The following PSMG2 variants were observed in gnomAD, a reference collection of about 807,000 sequenced individuals.
PSMG2 encodes the protein CD40 ligand-activated specific transcript 3.
A neutral mutation model predicts 31.5 loss-of-function variants in PSMG2; 21 were observed. That is an observed-to-expected ratio of 0.67 (90% CI 0.47 to 0.96). The LOEUF is 0.96. PSMG2 is among the 40% of genes least tolerant of loss of function. The pLI, the probability that PSMG2 is intolerant of heterozygous loss-of-function variation, is 0.00. For missense variants in PSMG2, 318 were observed against 321.2 expected, an observed-to-expected ratio of 0.99 and a Z score of 0.08; for synonymous variants, 120 against 110.4, an observed-to-expected ratio of 1.09 and a Z score of -0.54.
At chr18:12,692,525 A>G (rs897640967) in intron 1 of PSMG2, among the ~76,000 whole-genome samples, 10 of 152,048 alleles carry the variant, frequency 6.6e-5, no homozygotes, top group Non-Finnish European at 1.0e-4. Flanking sequence ...GCTCAGCCCC[A>G]ATCTTTGCAT....
intron 1 of PSMG2, among the ~76,000 whole-genome samples, chr18:12,694,747 T>C (rs1024736552): frequency 5.9e-5 from 9 of 151,856 alleles, no homozygotes; most frequent in Non-Finnish European, 1.0e-4. Flanking sequence ...AGTCTTGCTC[T>C]GTTGCCCAGG....
intron 1 of PSMG2, chr18:12,670,532 C>T (rs1212074130): frequency 6.6e-6 from 1 of 152,172 alleles, no homozygotes; most frequent in Non-Finnish European, 1.5e-5. Flanking sequence ...AATGTTAATA[C>T]AGCCTTGATC....
chr18:12,705,557 G>C (rs1379562981), intron 1 of PSMG2, among the ~76,000 whole-genome samples: 2 of 133,288 alleles, frequency 1.5e-5, no homozygotes, highest in Non-Finnish European at 3.1e-5. Context: ...GAGAGAGAGA[G>C]AGAGAGAGAG....
At chr18:12,702,605 G>A, upstream of PSMG2, 6 of 1,555,210 alleles carry the variant, frequency 3.9e-6, no homozygotes, top group Non-Finnish European at 5.2e-6. Flanking sequence ...CTAACTGCGC[G>A]GCCCCGGCCG....
chr18:12,716,673 C>T (rs565290109), intron 3 of PSMG2, among the ~76,000 whole-genome samples: 2 of 152,184 alleles, frequency 1.3e-5, no homozygotes, highest in African/African-American at 4.8e-5. Flanking sequence ...GGATTACAGG[C>T]GTGAGCCACC....
chr18:12,720,654 AG>A lies in PSMG2; in HGVS notation c.554del (p.Gly185ValfsTer21). 1 of 1,612,576 alleles carries A rather than the reference AG, an allele frequency of 6.2e-7. No homozygotes were observed. Among genetic ancestry groups the A allele is most frequent in the Non-Finnish European group, 8.5e-7 (1 of 1,179,656 alleles). ...AGTTTTGTATCCGCATTCCGGGAGG[AG>A]GTATCACAAAAACACTCTATGATGA... ...SEFCIRIPGG[G>X]ITKTLYDESC... On this transcript the variant is annotated frameshift_variant, in exon 5 of 7. Transcript: ENST00000317615. LOFTEE classifies it high-confidence loss of function.
At chr18:12,678,412 T>G in intron 1 of PSMG2, 5 of 1,613,378 alleles carry the variant, frequency 3.1e-6, no homozygotes, top group Non-Finnish European at 4.2e-6. Flanking sequence ...CAACTGGAGG[T>G]TCATCAGGAT....
intron 1 of PSMG2, among the ~76,000 whole-genome samples, chr18:12,670,109 T>C (rs1366921816): frequency 6.6e-6 from 1 of 152,142 alleles, no homozygotes; most frequent in Non-Finnish European, 1.5e-5. Context: ...GCAGGTGGAT[T>C]GCCTGAGCTC....
At chr18:12,719,504 C>T (rs919457709) in intron 4 of PSMG2, among the ~76,000 whole-genome samples, 2 of 151,838 alleles carry the variant, frequency 1.3e-5, no homozygotes, top group Non-Finnish European at 2.9e-5. Flanking sequence ...TCTCCTGCCT[C>T]AGCCTCCTGA....
rs572912172 is a variant in PSMG2 at position 12,725,609 on chromosome 18, G to A, written c.*78G>A. 48 of 997,312 alleles carry A rather than the reference G, an allele frequency of 4.8e-5. 2 individuals carry two copies. In the Middle Eastern group the frequency reaches 1.1e-3, roughly 23 times the overall value. The allele number at this position is 997,312 out of a possible 1,614,324, so 61.8% of individuals were successfully genotyped here. A position where few individuals can be genotyped will look rare whatever the true frequency, so the allele number is the denominator to read the frequency against. Reference sequence around the variant, plus strand: ...GTTAAACATTCTATACAAAAAAATTGTATGATCTGGTATTAGGAAATTACT... The same window carrying A: ...GTTAAACATTCTATACAAAAAAATTATATGATCTGGTATTAGGAAATTACT... On this transcript the variant is annotated 3_prime_UTR_variant, in exon 7 of 7. Transcript: ENST00000317615.
intron 1 of PSMG2, chr18:12,658,801 A>G: frequency 3.2e-6 from 1 of 313,496 alleles, no homozygotes; most frequent in Non-Finnish European, 6.5e-6. Context: ...GGGGATCTTT[A>G]CGGGTTTTCC....
chr18:12,662,345 A>G (rs2038709805), intron 1 of PSMG2, among the ~76,000 whole-genome samples: 1 of 152,216 alleles, frequency 6.6e-6, no homozygotes. Flanking sequence ...TTCCTATCTT[A>G]CAGAAGAGAA....
chr18:12,666,748 CAAAAAA>C, intron 1 of PSMG2, among the ~76,000 whole-genome samples: 1 of 134,972 alleles, frequency 7.4e-6, no homozygotes, highest in East Asian at 2.1e-4. Flanking sequence ...CACACCCGGC[CAAAAAA>C]AAAAAAACTT....
chr18:12,710,252 A>G (rs980995742), intron 2 of PSMG2, among the ~76,000 whole-genome samples: 1 of 152,096 alleles, frequency 6.6e-6, no homozygotes, highest in Non-Finnish European at 1.5e-5. Context: ...CTTTTAAAGC[A>G]TCTGTGATTT....
At chr18:12,693,094 G>A (rs919336915) in intron 1 of PSMG2, among the ~76,000 whole-genome samples, 1 of 152,160 alleles carries the variant, frequency 6.6e-6, no homozygotes, top group Non-Finnish European at 1.5e-5. Context: ...AAAGTGCTGG[G>A]ATTACAGATT....
intron 3 of PSMG2, among the ~76,000 whole-genome samples, chr18:12,713,667 A>G (rs1406144604): frequency 1.3e-5 from 2 of 152,164 alleles, no homozygotes; most frequent in East Asian, 1.9e-4. Flanking sequence ...ATTGGTTCCA[A>G]CCAATTTCAG....
At chr18:12,664,648 G>C (rs1358357117) in intron 1 of PSMG2, among the ~76,000 whole-genome samples, 1 of 151,704 alleles carries the variant, frequency 6.6e-6, no homozygotes, top group Non-Finnish European at 1.5e-5. Flanking sequence ...GCCTCCCAAA[G>C]TGCTGGGATT....
chr18:12,702,440 G>GT, upstream of PSMG2: 1 of 1,462,006 alleles, frequency 6.8e-7, no homozygotes, highest in South Asian at 1.2e-5. Flanking sequence ...GGAGGGAAAG[G>GT]TTATGGGTCG....
intron 1 of PSMG2, chr18:12,672,726 GATAA>G (rs1236424103): frequency 1.0e-6 from 1 of 968,992 alleles, no homozygotes; most frequent in Non-Finnish European, 1.2e-6. Flanking sequence ...AAATCACAGT[GATAA>G]ATATTTCTAA....
Sources: gnomAD v4.1 joint callset for allele counts (sites outside exome capture counted in the v4.1 genomes callset) on GRCh38, gnomAD v4.1.1 for gene constraint, MANE v1.5 for transcripts, NCBI Gene and HGNC (gene_info 2026-07-23, HGNC 2026-07-21) for gene names.